Variants in NTNG2 observed in about 807,000 individuals in gnomAD.
NTNG2 encodes the protein netrin-G2.
A neutral mutation model predicts 47.6 loss-of-function variants in NTNG2; 15 were observed. The observed-to-expected ratio is 0.32, with a 90% CI of 0.21 to 0.49. The LOEUF is 0.49. Ranked by LOEUF, NTNG2 falls within the 20% of genes least tolerant of loss-of-function variation. The pLI is 0.99. For missense variants in NTNG2, 578 were observed against 764.6 expected, an observed-to-expected ratio of 0.76 and a Z score of 2.88; for synonymous variants, 307 against 324.6, an observed-to-expected ratio of 0.95 and a Z score of 0.58.
Position 132,215,047 on chromosome 9 carries a change from T to C in NTNG2, c.858-11802T>C, listed in dbSNP as rs1177985821. On this transcript the variant is annotated intron_variant, in intron 3 of 7. Transcript: ENST00000393229. The surrounding 1 kb of genome is among the most constrained non-coding windows in gnomAD (Gnocchi z 4.2). ...GCTCACCACCATGCCCTGATAAATTTTGTGTTTTTTTTAATTTTTTTGTAG... is the reference window on the plus strand; with the variant it reads ...GCTCACCACCATGCCCTGATAAATTCTGTGTTTTTTTTAATTTTTTTGTAG... Among the ~76,000 whole-genome samples the C allele has an allele frequency of 1.5e-5, 2 of 135,926 alleles. No individual in the cohort carries two copies. The highest frequency in any genetic ancestry group is 5.7e-5 in the African/African-American group (2 of 34,864). The allele number at this position is 135,926 out of a possible 152,430, so 89.2% of individuals were successfully genotyped here. A position where few individuals can be genotyped will look rare whatever the true frequency, so the allele number is the denominator to read the frequency against.
chr9:132,173,062 G>C (rs536490665), intron 2 of NTNG2, among the ~76,000 whole-genome samples: 2 of 152,246 alleles, frequency 1.3e-5, no homozygotes, highest in African/African-American at 4.8e-5. Context: ...CTGGGGTTTG[G>C]GTCAGGACAG....
chr9:132,192,488 G>A (rs1837971932), intron 2 of NTNG2, among the ~76,000 whole-genome samples: 1 of 152,224 alleles, frequency 6.6e-6, no homozygotes, highest in African/African-American at 2.4e-5. Context: ...CTACCTGGGA[G>A]ACTGAGGCAG....
intron 7 of NTNG2, chr9:132,241,582 C>T (rs989447856): frequency 1.4e-5 from 6 of 417,036 alleles, no homozygotes; most frequent in Non-Finnish European, 2.6e-5. Context: ...AGGCTCCAGG[C>T]GCGTGGAACA....
intron 2 of NTNG2, among the ~76,000 whole-genome samples, chr9:132,168,918 G>T (rs1278405080): frequency 1.3e-5 from 2 of 152,302 alleles, no homozygotes; most frequent in African/African-American, 4.8e-5. Context: ...CAAGTCCGAG[G>T]CCCTCTCCTT....
In NTNG2 at chr9:132,208,987, G is replaced by C. The variant is rs1011918523; in HGVS notation, c.857+10378G>C. On this transcript the variant is annotated intron_variant, in intron 3 of 7. Transcript: ENST00000393229. This position sits in a 1 kb window ranked among gnomAD's most constrained non-coding sequence, Gnocchi z 4.0. Reference sequence around the variant, plus strand: ...CCTTCGTTCTCACTGTGCCTCTGAGGCTTATGGCGTGGCCGCCTGCGTGGC... The same window carrying C: ...CCTTCGTTCTCACTGTGCCTCTGAGCCTTATGGCGTGGCCGCCTGCGTGGC... Among the ~76,000 whole-genome samples, 2 of 152,182 alleles carry C rather than the reference G, an allele frequency of 1.3e-5. No homozygotes were observed. The highest frequency in any genetic ancestry group is 2.9e-5 in the Non-Finnish European group (2 of 68,036).
Position 132,162,190 on chromosome 9 carries a change from G to T in NTNG2, c.-533G>T, listed in dbSNP as rs1306987945. 1 of 152,704 alleles carries T rather than the reference G, an allele frequency of 6.5e-6. No individual in the cohort carries two copies. The highest frequency in any genetic ancestry group is 6.6e-5 in the Admixed American group (1 of 15,264). 9.5% of individuals were successfully genotyped at this position (152,704 alleles called of 1,614,324 possible). A position where few individuals can be genotyped will look rare whatever the true frequency, so the allele number is the denominator to read the frequency against. ...GGGAGGCGCAGCGCCGGAGGGTGGC[G>T]GTCCTCGGCCCTCCCAGGTCTCCGC... On this transcript the variant is annotated 5_prime_UTR_variant, in exon 1 of 8. Transcript: ENST00000393229. The surrounding 1 kb of genome is among the most constrained non-coding windows in gnomAD (Gnocchi z 4.6).
At chr9:132,233,848 T>A (rs545851392) in intron 5 of NTNG2, 1 of 152,252 alleles carries the variant, frequency 6.6e-6, no homozygotes, top group Non-Finnish European at 1.5e-5. Context: ...AAGAAGCAGC[T>A]GGATTTTATG....
At chr9:132,220,972 A>T (rs1840312356) in intron 3 of NTNG2, among the ~76,000 whole-genome samples, 2 of 151,932 alleles carry the variant, frequency 1.3e-5, no homozygotes, top group African/African-American at 2.4e-5. Flanking sequence ...GTCTGACATT[A>T]AAAAAAACAT....
chr9:132,216,242 C>T (rs1839959291), intron 3 of NTNG2, among the ~76,000 whole-genome samples: 1 of 152,196 alleles, frequency 6.6e-6, no homozygotes, highest in South Asian at 2.1e-4. Context: ...TTGCTTCTTT[C>T]TGCAAACATT....
chr9:132,198,649 G>C, intron 3 of NTNG2, 40 bp downstream of exon 3: 1 of 1,578,414 alleles, frequency 6.3e-7, no homozygotes, highest in South Asian at 1.2e-5. Context: ...CTGCAACCTG[G>C]GATGCTATCT....
chr9:132,162,606 G>GTGTA lies in NTNG2; in HGVS notation c.-484+370_-484+371insATGT, dbSNP rs1835148385. On this transcript the variant is annotated intron_variant, in intron 1 of 7. Transcript: ENST00000393229. The surrounding 1 kb of genome is among the most constrained non-coding windows in gnomAD (Gnocchi z 4.6). Reference sequence around the variant, plus strand: ...TGTGTGTGTGTGTGTGTGTGTGTGTGTGTGTGTGTGTCGGGGAGGGATGTT... The same window carrying GTGTA: ...TGTGTGTGTGTGTGTGTGTGTGTGTGTGTATGTGTGTGTGTCGGGGAGGGATGTT... Among the ~76,000 whole-genome samples the GTGTA allele has an allele frequency of 7.1e-6, 1 of 140,948 alleles. No homozygotes were observed. Among genetic ancestry groups the GTGTA allele is most frequent in the African/African-American group, 2.6e-5 (1 of 39,116 alleles). 92.5% of individuals were successfully genotyped at this position (140,948 alleles called of 152,430 possible). A position where few individuals can be genotyped will look rare whatever the true frequency, so the allele number is the denominator to read the frequency against.
rs1041190851 is a variant in NTNG2 at position 132,182,404 on chromosome 9, C to A, written c.213+15360C>A. On this transcript the variant is annotated intron_variant, in intron 2 of 7. Transcript: ENST00000393229. The surrounding 1 kb of genome is among the most constrained non-coding windows in gnomAD (Gnocchi z 4.2). ...CCCTACCCTCCTGCCCAGTTCCCCT[C>A]CCCTGCACTGGGTTGGCCGCCTCTC... 6.6e-6 allele frequency among the ~76,000 whole-genome samples: 1 copy of A among 152,186 alleles called. No homozygotes were observed. Among genetic ancestry groups the A allele is most frequent in the African/African-American group, 2.4e-5 (1 of 41,440 alleles).
chr9:132,232,290 G>A (rs1841294817), intron 5 of NTNG2: 1 of 152,542 alleles, frequency 6.6e-6, no homozygotes, highest in Non-Finnish European at 1.5e-5. Flanking sequence ...GGATGGAGCA[G>A]GGTTAGCCCA....
intron 3 of NTNG2, among the ~76,000 whole-genome samples, chr9:132,204,484 G>C (rs1380395718): frequency 6.6e-6 from 1 of 152,112 alleles, no homozygotes; most frequent in Non-Finnish European, 1.5e-5. Flanking sequence ...GCAGAGACAG[G>C]CGATTTCAGC....
intron 2 of NTNG2, among the ~76,000 whole-genome samples, chr9:132,172,710 G>T (rs1294108509): frequency 1.3e-5 from 2 of 148,222 alleles, no homozygotes; most frequent in Non-Finnish European, 3.0e-5. Flanking sequence ...GAGGAGGCAG[G>T]ATCAGGGCTG....
chr9:132,195,361 C>A (rs1158244636), intron 2 of NTNG2, among the ~76,000 whole-genome samples: 3 of 151,866 alleles, frequency 2.0e-5, no homozygotes, highest in Non-Finnish European at 4.4e-5. Context: ...CAGGCTGGAG[C>A]GCAGTGGCGC....
chr9:132,219,898 C>T (rs1033432910), intron 3 of NTNG2, among the ~76,000 whole-genome samples: 1 of 152,224 alleles, frequency 6.6e-6, no homozygotes, highest in African/African-American at 2.4e-5. Flanking sequence ...TCTAAGTTCA[C>T]CTTTTGTAGA....
chr9:132,167,027 G>A lies in NTNG2; in HGVS notation c.196G>A (p.Glu66Lys). The A allele has an allele frequency of 6.2e-7, 1 of 1,614,224 alleles. No homozygotes were observed. The highest frequency in any genetic ancestry group is 8.5e-7 in the Non-Finnish European group (1 of 1,180,030). Reference sequence around the variant, plus strand: ...AGGCATCACATGTGGAGACCCCCCTGAGAGGTTCTGCTCCCATGTAAGTCC... The same window carrying A: ...AGGCATCACATGTGGAGACCCCCCTAAGAGGTTCTGCTCCCATGTAAGTCC... ...PSGITCGDPP[E>K]RFCSHENPYL... Residue 66 changes from glutamate to lysine, a missense_variant, in exon 2 of 8, where the codon GAG becomes AAG. Physicochemically the swap from Glu to Lys is moderately conservative, Grantham distance 56 (BLOSUM62 1). Transcript: ENST00000393229.
rs184599100 is a variant in NTNG2, at chr9:132,197,794, C to A, written c.214-172C>A. On this transcript the variant is annotated intron_variant, in intron 2 of 7. Transcript: ENST00000393229. The surrounding 1 kb of genome is among the most constrained non-coding windows in gnomAD (Gnocchi z 4.3). ...CCATGGGATTGCACACCTCTGCACG[C>A]ATTGAGGAAATGGGCACAAATCTCC... Among the ~76,000 whole-genome samples, 565 of 152,176 alleles carry A rather than the reference C, an allele frequency of 3.7e-3. 6 individuals are homozygous for A. The highest frequency in any genetic ancestry group is 0.013 in the African/African-American group (542 of 41,522).
Sources: gnomAD v4.1 joint callset for allele counts (sites outside exome capture counted in the v4.1 genomes callset) on GRCh38, gnomAD v4.1.1 for gene constraint, Gnocchi (gnomAD v3.1) non-coding constraint, MANE v1.5 for transcripts, NCBI Gene and HGNC (gene_info 2026-07-23, HGNC 2026-07-21) for gene names.